The following BBS9 variants were observed in gnomAD, a reference collection of about 807,000 sequenced individuals.
BBS9 encodes protein PTHB1.
A neutral mutation model predicts 117.7 loss-of-function variants in BBS9; 89 were observed. That is an observed-to-expected ratio of 0.76 (90% CI 0.64 to 0.90). The LOEUF (loss-of-function observed/expected upper bound fraction) is 0.90, where lower values mean the gene tolerates loss of function less well. BBS9 is among the 40% of genes least tolerant of loss of function. The pLI is 0.00. For missense variants in BBS9, 982 were observed against 1,042.2 expected (o/e 0.94, Z 0.80); for synonymous variants, 379 against 370.9 (o/e 1.02, Z -0.25).
At chr7:33,391,716 T>C (rs1168153438) in intron 19 of BBS9, among the ~76,000 whole-genome samples, 2 of 152,252 alleles carry the variant, frequency 1.3e-5, no homozygotes, top group Non-Finnish European at 2.9e-5. Flanking sequence ...TTCATCTTTG[T>C]CTTACCATTT....
At chr7:33,438,590 A>G (rs1376668631) in intron 19 of BBS9, among the ~76,000 whole-genome samples, 1 of 152,218 alleles carries the variant, frequency 6.6e-6, no homozygotes, top group African/African-American at 2.4e-5. Flanking sequence ...TAAAACCCAT[A>G]GGGAAAATCC....
At chr7:33,595,377 G>A (rs1862572603) in intron 21 of BBS9, among the ~76,000 whole-genome samples, 1 of 151,968 alleles carries the variant, frequency 6.6e-6, no homozygotes, top group Non-Finnish European at 1.5e-5. Context: ...GTGGGCAAAG[G>A]ATACAGACAG....
chr7:33,461,572 C>G (rs1839474341), intron 19 of BBS9, among the ~76,000 whole-genome samples: 1 of 151,804 alleles, frequency 6.6e-6, no homozygotes, highest in African/African-American at 2.4e-5. Flanking sequence ...GTCTTCCGCT[C>G]TAAGACAACT....
At chr7:33,149,668 T>G (rs1030963830) in intron 2 of BBS9, among the ~76,000 whole-genome samples, 1 of 123,488 alleles carries the variant, frequency 8.1e-6, no homozygotes, top group Admixed American at 7.5e-5. Flanking sequence ...CAAATAAGAC[T>G]GACTAATGGC....
intron 19 of BBS9, among the ~76,000 whole-genome samples, chr7:33,446,560 G>A (rs1444660548): frequency 6.6e-6 from 1 of 152,078 alleles, no homozygotes; most frequent in South Asian, 2.1e-4. Context: ...AAGAGAATGA[G>A]GCCTTCATTT....
intron 5 of BBS9, among the ~76,000 whole-genome samples, chr7:33,219,712 C>T (rs6964836): frequency 0.11 from 17,267 of 152,072 alleles, 1,133 homozygotes; most frequent in African/African-American, 0.18. Flanking sequence ...CACCAATCAG[C>T]GCCCTGTCAA....
intron 21 of BBS9, among the ~76,000 whole-genome samples, chr7:33,545,997 G>T (rs912868251): frequency 1.1e-4 from 14 of 130,790 alleles, no homozygotes; most frequent in Non-Finnish European, 2.0e-4. Context: ...GCAGTAGCGT[G>T]ATTTTGGCTC....
At chr7:33,538,280 A>T (rs773795224) in intron 21 of BBS9, among the ~76,000 whole-genome samples, 1 of 152,226 alleles carries the variant, frequency 6.6e-6, no homozygotes, top group Non-Finnish European at 1.5e-5. Context: ...TATAATCCAT[A>T]TATTTTCATA....
intron 21 of BBS9, among the ~76,000 whole-genome samples, chr7:33,572,432 A>C (rs898116595): frequency 2.6e-5 from 4 of 152,032 alleles, no homozygotes; most frequent in Non-Finnish European, 4.4e-5. Context: ...CAATATACCA[A>C]TTTCCTTTCT....
chr7:33,473,565 G>A (rs62451221), intron 19 of BBS9, among the ~76,000 whole-genome samples: 30,240 of 152,086 alleles, frequency 0.2, 3,832 homozygotes, highest in Admixed American at 0.36. Context: ...CTCATGGTCC[G>A]CCTTCCTTGG....
At chr7:33,403,979 T>A (rs988879513) in intron 19 of BBS9, among the ~76,000 whole-genome samples, 1 of 152,168 alleles carries the variant, frequency 6.6e-6, no homozygotes, top group South Asian at 2.1e-4. Context: ...CAGCACCTGT[T>A]GTTTCCTGAC....
chr7:33,146,481 C>CACG (rs1224574680), intron 2 of BBS9, 117 bp downstream of exon 2: 17 of 782,288 alleles, frequency 2.2e-5, no homozygotes, highest in Non-Finnish European at 3.6e-5. Flanking sequence ...GTGGGCAGAT[C>CACG]ACGAGGTCAG....
At chr7:33,553,848 C>T (rs1423201082) in intron 21 of BBS9, among the ~76,000 whole-genome samples, 1 of 152,030 alleles carries the variant, frequency 6.6e-6, no homozygotes, top group Non-Finnish European at 1.5e-5. Context: ...GATTCGTACC[C>T]ACAGGAGCTT....
chr7:33,437,955 T>C (rs1835553847), intron 19 of BBS9, among the ~76,000 whole-genome samples: 1 of 152,212 alleles, frequency 6.6e-6, no homozygotes, highest in African/African-American at 2.4e-5. Flanking sequence ...ACATTTTTGC[T>C]GGACATGGTG....
chr7:33,434,391 T>A (rs1834991556), intron 19 of BBS9, among the ~76,000 whole-genome samples: 1 of 152,084 alleles, frequency 6.6e-6, no homozygotes, highest in Admixed American at 6.6e-5. Context: ...AGTTAGGACA[T>A]CATTAGATTG....
intron 17 of BBS9, among the ~76,000 whole-genome samples, chr7:33,372,356 C>A (rs1823033152): frequency 1.3e-5 from 2 of 152,146 alleles, no homozygotes; most frequent in South Asian, 2.1e-4. Context: ...TTTTTAAAAT[C>A]ATGAAAGGAT....
At chr7:33,325,000 C>G (rs1812553656) in intron 9 of BBS9, among the ~76,000 whole-genome samples, 1 of 152,128 alleles carries the variant, frequency 6.6e-6, no homozygotes, top group Non-Finnish European at 1.5e-5. Context: ...CCTCCTTGTA[C>G]TTGAATATTG....
At chr7:33,462,883 A>G (rs540827678) in intron 19 of BBS9, among the ~76,000 whole-genome samples, 3 of 152,208 alleles carry the variant, frequency 2.0e-5, no homozygotes, top group African/African-American at 7.2e-5. Flanking sequence ...CACTTTTTAA[A>G]AAATGGATAT....
intron 18 of BBS9, among the ~76,000 whole-genome samples, chr7:33,384,348 T>A (rs6944723): frequency 0.42 from 63,632 of 152,068 alleles, 13,499 homozygotes; most frequent in East Asian, 0.47. Flanking sequence ...AATAAATGTG[T>A]TCTAACAGTA....
Sources: gnomAD v4.1 joint callset for allele counts (sites outside exome capture counted in the v4.1 genomes callset) on GRCh38, gnomAD v4.1.1 for gene constraint, MANE v1.5 for transcripts, NCBI Gene and HGNC (gene_info 2026-07-23, HGNC 2026-07-21) for gene names.